TBC1D5: variants seen among roughly 807,000 people sequenced by gnomAD.
TBC1D5 encodes TBC1 domain family member 5.
A neutral mutation model predicts 100.3 loss-of-function variants in TBC1D5; 75 were observed. The observed-to-expected ratio is 0.75, with a 90% confidence interval of 0.62 to 0.91. The LOEUF is 0.91. TBC1D5 is among the 40% of genes least tolerant of loss of function. The pLI, the probability that TBC1D5 is intolerant of heterozygous loss-of-function variation, is 0.00. For synonymous variants in TBC1D5, 323 were observed against 325.6 expected, an observed-to-expected ratio of 0.99 and a Z score of 0.09; for missense variants, 910 against 942.4, an observed-to-expected ratio of 0.97 and a Z score of 0.45.
chr3:17,478,887 G>A (rs559315990), intron 3 of TBC1D5, among the ~76,000 whole-genome samples: 8 of 152,268 alleles, frequency 5.3e-5, no homozygotes, highest in South Asian at 2.1e-4. Context: ...GCTTAGACAC[G>A]TAAGCAAGCT....
At chr3:17,401,625 G>T (rs891950768) in intron 8 of TBC1D5, among the ~76,000 whole-genome samples, 1 of 151,910 alleles carries the variant, frequency 6.6e-6, no homozygotes, top group Non-Finnish European at 1.5e-5. Flanking sequence ...GGCCCCCATG[G>T]CCTCTGACTC....
At chr3:17,176,802 GAA>G (rs548978025) in intron 19 of TBC1D5, among the ~76,000 whole-genome samples, 2 of 128,366 alleles carry the variant, frequency 1.6e-5, no homozygotes, top group African/African-American at 2.9e-5. Flanking sequence ...AAGTATGATT[GAA>G]AAAAAAAAAA....
At chr3:17,657,542 G>A (rs569345834) in intron 1 of TBC1D5, among the ~76,000 whole-genome samples, 10 of 152,024 alleles carry the variant, frequency 6.6e-5, no homozygotes, top group East Asian at 1.9e-4. Context: ...TCACCATGTT[G>A]GCCAGGATGG....
chr3:17,395,330 CACTGTATATGT>C (rs2093471462), intron 8 of TBC1D5, among the ~76,000 whole-genome samples: 1 of 151,982 alleles, frequency 6.6e-6, no homozygotes, highest in African/African-American at 2.4e-5. Context: ...TAGGTAGATA[CACTGTATATGT>C]ACTTTCAGTG....
intron 2 of TBC1D5, among the ~76,000 whole-genome samples, chr3:17,546,381 T>C (rs1434504240): frequency 6.6e-6 from 1 of 152,172 alleles, no homozygotes; most frequent in Non-Finnish European, 1.5e-5. Context: ...AATTTTAACT[T>C]TGAATTTCTT....
chr3:17,548,052 T>C (rs1476539499), intron 2 of TBC1D5, among the ~76,000 whole-genome samples: 6 of 152,182 alleles, frequency 3.9e-5, no homozygotes, highest in South Asian at 2.1e-4. Flanking sequence ...TGGTGGCTCA[T>C]GCCTGTAATC....
chr3:17,160,795 G>T, exon 22 of TBC1D5: 1 of 856,850 alleles, frequency 1.2e-6, no homozygotes, highest in South Asian at 1.9e-5. Context: ...GTGCTTTGTG[G>T]CCATATATGC....
intron 9 of TBC1D5, among the ~76,000 whole-genome samples, chr3:17,383,094 G>A (rs2093015481): frequency 6.6e-6 from 1 of 151,894 alleles, no homozygotes; most frequent in African/African-American, 2.4e-5. Context: ...TGGTATATTT[G>A]TAGTCTGAAA....
At chr3:17,688,872 T>C (rs1454178286) in intron 1 of TBC1D5, among the ~76,000 whole-genome samples, 1 of 152,244 alleles carries the variant, frequency 6.6e-6, no homozygotes, top group Non-Finnish European at 1.5e-5. Flanking sequence ...ACTGTACATT[T>C]TTCTGGTTAC....
intron 1 of TBC1D5, among the ~76,000 whole-genome samples, chr3:17,722,300 T>G (rs2075773027): frequency 6.6e-6 from 1 of 152,204 alleles, no homozygotes; most frequent in Non-Finnish European, 1.5e-5. Flanking sequence ...GTTTCAGATT[T>G]TTTTTCAAAT....
At chr3:17,360,574 A>G (rs2091614938) in intron 13 of TBC1D5, among the ~76,000 whole-genome samples, 1 of 152,028 alleles carries the variant, frequency 6.6e-6, no homozygotes, top group Non-Finnish European at 1.5e-5. Flanking sequence ...GGTATCTAGC[A>G]TATTTTGTTT....
At chr3:17,181,756 A>G (rs1328221895) in intron 19 of TBC1D5, among the ~76,000 whole-genome samples, 1 of 152,192 alleles carries the variant, frequency 6.6e-6, no homozygotes, top group East Asian at 1.9e-4. Flanking sequence ...GGTCCCTTGG[A>G]AAGTCCCTCT....
chr3:17,704,200 T>C (rs2073640353), intron 1 of TBC1D5, among the ~76,000 whole-genome samples: 1 of 134,886 alleles, frequency 7.4e-6, no homozygotes, highest in Non-Finnish European at 1.6e-5. Context: ...TAACCCTGAG[T>C]GGACACAGCA....
intron 4 of TBC1D5, among the ~76,000 whole-genome samples, chr3:17,419,927 A>AAG (rs1220729216): frequency 6.6e-6 from 1 of 152,070 alleles, no homozygotes; most frequent in Non-Finnish European, 1.5e-5. Context: ...TCAACTCCTT[A>AAG]ACTCAAGTGA....
chr3:17,390,727 T>G (rs1015443277), intron 8 of TBC1D5, among the ~76,000 whole-genome samples: 5 of 152,096 alleles, frequency 3.3e-5, no homozygotes, highest in African/African-American at 1.2e-4. Flanking sequence ...AAAATAACTA[T>G]AATATCTTAC....
At chr3:17,494,091 G>C (rs1486586576) in intron 3 of TBC1D5, among the ~76,000 whole-genome samples, 2 of 152,086 alleles carry the variant, frequency 1.3e-5, no homozygotes, top group Non-Finnish European at 2.9e-5. Flanking sequence ...GTTGATCTTT[G>C]GATGAGGTTT....
At chr3:17,166,801 C>A in exon 21 of TBC1D5, 1 of 1,613,990 alleles carries the variant, frequency 6.2e-7, no homozygotes, top group Non-Finnish European at 8.5e-7. Context: ...AACGCTCTGG[C>A]CTTGGCCTCG....
intron 17 of TBC1D5, among the ~76,000 whole-genome samples, chr3:17,235,635 A>C (rs1243141586): frequency 6.6e-6 from 1 of 152,222 alleles, no homozygotes; most frequent in East Asian, 1.9e-4. Context: ...ATATTCTACC[A>C]AAACAACCAT....
In TBC1D5 at chr3:17,364,990, CAAT is replaced by C. The variant is rs534280960; in HGVS notation, c.995+7082_995+7084del. On this transcript the variant is annotated intron_variant, in intron 13 of 21. Transcript: ENST00000253692. The stretch of plus-strand genomic sequence containing the variant: ...ACATTTACTTAGTGATTAGAAACAT[CAAT>C]AATATATTTATTTCATGTGTACTGA... Among the ~76,000 whole-genome samples, 215 of 152,178 alleles carry C rather than the reference CAAT, an allele frequency of 1.4e-3. 1 individual carries two copies. Among genetic ancestry groups the C allele is most frequent in the African/African-American group, 4.8e-3 (200 of 41,518 alleles).
Sources: allele counts gnomAD v4.1 joint callset (sites outside exome capture counted in the v4.1 genomes callset), GRCh38; gene constraint gnomAD v4.1.1; transcripts MANE v1.5; gene names NCBI Gene and HGNC (gene_info 2026-07-23, HGNC 2026-07-21).